The following BCAS3 variants were observed in gnomAD, a reference collection of about 807,000 sequenced individuals.
BCAS3 encodes the protein BCAS3 microtubule associated cell migration factor.
BCAS3 carries 53 observed loss-of-function variants against 116.1 expected under a neutral mutation model. That is an observed-to-expected ratio of 0.46 (90% CI 0.37 to 0.57). The LOEUF (loss-of-function observed/expected upper bound fraction) is 0.57. Ranked by LOEUF, BCAS3 falls within the 20% of genes least tolerant of loss-of-function variation. The pLI is 0.00. For missense variants in BCAS3, 917 were observed against 1,165.4 expected, an observed-to-expected ratio of 0.79 and a Z score of 3.10; for synonymous variants, 391 against 408.2, an observed-to-expected ratio of 0.96 and a Z score of 0.51.
chr17:61,137,516 C>A lies in BCAS3; in HGVS notation c.2425+52952C>A, dbSNP rs574003643. Among the ~76,000 whole-genome samples, 68 of 152,344 alleles carry A rather than the reference C, an allele frequency of 4.5e-4. 1 individual carries two copies. The South Asian group carries it at 0.014, about 31-fold the overall frequency. Reference sequence around the variant, plus strand: ...AGGCGTGGTGGCACACGCCTGTAATCCCAGCACTTTGGGAGGCCAAGGTGG... The same window carrying A: ...AGGCGTGGTGGCACACGCCTGTAATACCAGCACTTTGGGAGGCCAAGGTGG... On this transcript the variant is annotated intron_variant, in intron 22 of 23. Coordinates refer to ENST00000407086, the MANE Select transcript of BCAS3 (RefSeq NM_017679.5).
chr17:61,183,987 GT>G (rs768440228), intron 22 of BCAS3, among the ~76,000 whole-genome samples: 2 of 152,180 alleles, frequency 1.3e-5, no homozygotes, highest in Non-Finnish European at 2.9e-5. Flanking sequence ...ACCAGCTTAA[GT>G]GTTACACAGG....
intron 13 of BCAS3, among the ~76,000 whole-genome samples, chr17:60,945,140 T>A (rs2060419508): frequency 6.6e-6 from 1 of 152,174 alleles, no homozygotes; most frequent in Non-Finnish European, 1.5e-5. Context: ...ATTTTATCTC[T>A]ATGCACTAGC....
At position 61,089,509 on chromosome 17, in the gene BCAS3, C is replaced by CTT. The variant is rs71370187; in HGVS notation, c.2425+4982_2425+4983dup. On this transcript the variant is annotated intron_variant, in intron 22 of 23. Transcript: ENST00000407086. ...TTTTTCTTCGAGACGGAGTTTCACT[C>CTT]TTTTTTTTTTTTTTTTTTTTTTTTT... 1.5e-3 allele frequency among the ~76,000 whole-genome samples: 39 copies of CTT among 26,750 alleles called. 16 individuals carry two copies. Among genetic ancestry groups the CTT allele is most frequent in the East Asian group, 2.7e-3 (2 of 740 alleles). The allele number at this position is 26,750 out of a possible 152,430, so 17.5% of individuals were successfully genotyped here.
chr17:60,844,489 A>G (rs9910176), intron 7 of BCAS3, among the ~76,000 whole-genome samples: 28,617 of 152,160 alleles, frequency 0.19, 3,273 homozygotes, highest in African/African-American at 0.32. Context: ...GTATAGTTGT[A>G]TAAAAAAACT....
At chr17:60,811,359 A>G in intron 7 of BCAS3, 1 of 636,824 alleles carries the variant, frequency 1.6e-6, no homozygotes. Flanking sequence ...GATACCCCAG[A>G]CAGCAGCAAC....
intron 22 of BCAS3, among the ~76,000 whole-genome samples, chr17:61,317,195 A>G (rs1249916589): frequency 1.3e-5 from 2 of 152,140 alleles, no homozygotes; most frequent in African/African-American, 2.4e-5. Context: ...TGAGCATTTC[A>G]TTGCCAAGCT....
rs776720332 is a variant in BCAS3, at chr17:61,315,134, G to A, written c.2426-53193G>A. 6.6e-6 allele frequency among the ~76,000 whole-genome samples: 1 copy of A among 151,816 alleles called. No individual in the cohort carries two copies. Among genetic ancestry groups the A allele is most frequent in the South Asian group, 2.1e-4 (1 of 4,818 alleles). ...TCCCTTTTCTTTTTCTTTTTTTCGCGAGACAGATTCTCGCTCTGTCACCTA... is the reference window on the plus strand; with the variant it reads ...TCCCTTTTCTTTTTCTTTTTTTCGCAAGACAGATTCTCGCTCTGTCACCTA... On this transcript the variant is annotated intron_variant, in intron 22 of 23. Transcript: ENST00000407086. The surrounding 1 kb of genome is among the most constrained non-coding windows in gnomAD (Gnocchi z 5.3).
Position 60,679,473 on chromosome 17 carries a change from G to A in BCAS3, c.16G>A (p.Ala6Thr). The change falls in exon 2 of 24, where the codon GCT (alanine) becomes ACT (threonine). Residue 6 changes from alanine to threonine, a missense_variant. Coordinates refer to ENST00000407086, the MANE Select transcript of BCAS3 (RefSeq NM_017679.5). The stretch of plus-strand genomic sequence containing the variant: ...AACAGGTTTTATGAATGAAGCTATG[G>A]CTACAGATTCCCCAAGAAGACCCAG... MNEAM[A>T]TDSPRRPSRC... 1 of 1,613,666 alleles carries A rather than the reference G, an allele frequency of 6.2e-7. No homozygotes were observed. Among genetic ancestry groups the A allele is most frequent in the Non-Finnish European group, 8.5e-7 (1 of 1,179,752 alleles).
intron 7 of BCAS3, among the ~76,000 whole-genome samples, chr17:60,836,551 GA>G (rs1176626034): frequency 6.6e-6 from 1 of 151,838 alleles, no homozygotes; most frequent in African/African-American, 2.4e-5. Flanking sequence ...TTAAAAAAAA[GA>G]AAAAATGGAA....
chr17:60,828,556 A>G (rs1322450124), intron 7 of BCAS3, among the ~76,000 whole-genome samples: 1 of 152,232 alleles, frequency 6.6e-6, no homozygotes, highest in Non-Finnish European at 1.5e-5. Flanking sequence ...GTTATAATCA[A>G]AGACTATATG....
intron 7 of BCAS3, among the ~76,000 whole-genome samples, chr17:60,814,269 TTGTGTGTGTGTG>T (rs67077498): frequency 6.7e-5 from 9 of 134,918 alleles, no homozygotes; most frequent in South Asian, 4.6e-4. Flanking sequence ...TCTTGGTATT[TTGTGTGTGTGTG>T]TGTGTGTGTG....
chr17:60,866,244 C>T (rs2144876485), intron 7 of BCAS3, among the ~76,000 whole-genome samples: 1 of 152,062 alleles, frequency 6.6e-6, no homozygotes, highest in East Asian at 1.9e-4. Flanking sequence ...CCTGTCTCAG[C>T]CTCCTGAGTA....
intron 22 of BCAS3, among the ~76,000 whole-genome samples, chr17:61,110,284 G>A (rs574990031): frequency 1.6e-4 from 25 of 152,308 alleles, no homozygotes; most frequent in African/African-American, 2.9e-4. Context: ...AGCTCCCAGC[G>A]TGAGCGACGC....
chr17:61,270,827 C>T (rs1213064522), intron 22 of BCAS3, among the ~76,000 whole-genome samples: 1 of 152,180 alleles, frequency 6.6e-6, no homozygotes. Flanking sequence ...ACCGCAACCT[C>T]TGCCTCCCAA....
intron 6 of BCAS3, among the ~76,000 whole-genome samples, chr17:60,785,620 G>A (rs1279530969): frequency 6.6e-6 from 1 of 152,208 alleles, no homozygotes; most frequent in Admixed American, 6.5e-5. Context: ...ATATTATGAA[G>A]CGATTAAATA....
rs192581065 is a variant in BCAS3 at position 60,834,498 on chromosome 17, G to C, written c.476+26422G>C. Among the ~76,000 whole-genome samples, 299 of 152,046 alleles carry C rather than the reference G, an allele frequency of 2.0e-3. 10 individuals carry two copies. Among genetic ancestry groups the C allele is most frequent in the Admixed American group, 0.02 (298 of 15,270 alleles). On this transcript the variant is annotated intron_variant, in intron 7 of 23. Coordinates refer to ENST00000407086, the MANE Select transcript of BCAS3 (RefSeq NM_017679.5). Reference sequence around the variant, plus strand: ...AACTTTGGTTACTTTGAAATGTTTAGTGAAGTGGTTTCTATTGATTTCATA... The same window carrying C: ...AACTTTGGTTACTTTGAAATGTTTACTGAAGTGGTTTCTATTGATTTCATA...
At chr17:61,177,702 T>C (rs112565167) in intron 22 of BCAS3, among the ~76,000 whole-genome samples, 1 of 152,260 alleles carries the variant, frequency 6.6e-6, no homozygotes, top group East Asian at 1.9e-4. Context: ...TCTAACTTAG[T>C]GTATGCAATT....
At chr17:61,011,136 C>T (rs748343849) in intron 15 of BCAS3, among the ~76,000 whole-genome samples, 2 of 150,044 alleles carry the variant, frequency 1.3e-5, no homozygotes, top group African/African-American at 2.5e-5. Flanking sequence ...TTTCATTGTA[C>T]TCATGCAATA....
In BCAS3 at chr17:61,381,329, G is replaced by T. The variant is rs2059592707; in HGVS notation, c.2594-10648G>T. Among the ~76,000 whole-genome samples the T allele has an allele frequency of 6.6e-6, 1 of 152,252 alleles. No homozygotes were observed. The highest frequency in any genetic ancestry group is 6.5e-5 in the Admixed American group (1 of 15,292). On this transcript the variant is annotated intron_variant, in intron 23 of 23. Transcript: ENST00000407086. This position sits in a 1 kb window ranked among gnomAD's most constrained non-coding sequence, Gnocchi z 6.0. ...AATAGAGCCCCGGCACCAGCAGCCA[G>T]TCTGTGAGCACCGCACAAAGGCAGA...
Sources: gnomAD v4.1 joint callset for allele counts (sites outside exome capture counted in the v4.1 genomes callset) on GRCh38, gnomAD v4.1.1 for gene constraint, Gnocchi (gnomAD v3.1) non-coding constraint, MANE v1.5 for transcripts, NCBI Gene and HGNC (gene_info 2026-07-23, HGNC 2026-07-21) for gene names.